AGRN: variants seen among roughly 807,000 people sequenced by gnomAD.
The protein encoded by AGRN is agrin proteoglycan.
AGRN carries 106 observed loss-of-function variants against 211.0 expected under a neutral mutation model. That is an observed-to-expected ratio of 0.50 (90% CI 0.43 to 0.59). The LOEUF is 0.59. Among genes scored for constraint, AGRN ranks in the 20% least tolerant of loss-of-function variants. The probability of loss-of-function intolerance (pLI) is 0.00; values close to 1 mark genes in which losing one functional copy is unlikely to be tolerated. For missense variants in AGRN, 3,040 were observed against 2,982.6 expected, an observed-to-expected ratio of 1.02 and a Z score of -0.45; for synonymous variants, 1,525 against 1,332.5, an observed-to-expected ratio of 1.14 and a Z score of -3.15.
intron 14 of AGRN, 61 bp downstream of exon 14, chr1:1,045,584 A>G: frequency 1.2e-6 from 2 of 1,605,068 alleles, no homozygotes; most frequent in Non-Finnish European, 1.7e-6. Flanking sequence ...CACCCCCATC[A>G]CTGTGCTTCT....
Position 1,051,243 on chromosome 1 carries a change from G to T in AGRN, c.5254-10G>T, listed in dbSNP as rs778226267. ...GGCTCTGCACAGCCACTTACCTGGCGTCCCCGCAGGTTCCGCACACCGTCC... is the reference window on the plus strand; with the variant it reads ...GGCTCTGCACAGCCACTTACCTGGCTTCCCCGCAGGTTCCGCACACCGTCC... On this transcript the variant is annotated splice_polypyrimidine_tract_variant and intron_variant, in intron 30 of 35. Transcript: ENST00000379370. 6.3e-7 allele frequency: 1 copy of T among 1,580,318 alleles called. No individual in the cohort carries two copies.
At position 1,048,402 on chromosome 1, in the gene AGRN, G is replaced by A; in HGVS notation, c.4105+37G>A. 2 of 1,240,530 alleles carry A rather than the reference G, an allele frequency of 1.6e-6. No homozygotes were observed. The highest frequency in any genetic ancestry group is 1.6e-5 in the South Asian group (1 of 62,500). The allele number at this position is 1,240,530 out of a possible 1,614,324, so 76.8% of individuals were successfully genotyped here. ...CACTGCAGAGGAGGGCGGGGAGGCA[G>A]CAGGGTGGGGGCAAGGATTGGGGGT... On this transcript the variant is annotated intron_variant, in intron 23 of 35. Transcript: ENST00000379370. This position sits in a 1 kb window ranked among gnomAD's most constrained non-coding sequence, Gnocchi z 5.9.
At chr1:1,039,398 C>T (rs1644874705) in intron 3 of AGRN, among the ~76,000 whole-genome samples, 1 of 87,616 alleles carries the variant, frequency 1.1e-5, no homozygotes, top group African/African-American at 3.7e-5. Flanking sequence ...AGTGCACCCA[C>T]CCTCCTTGGA....
At chr1:1,029,385 G>GT (rs1644596230) in intron 2 of AGRN, among the ~76,000 whole-genome samples, 1 of 124,912 alleles carries the variant, frequency 8.0e-6, no homozygotes, top group Non-Finnish European at 1.7e-5. Flanking sequence ...GCAGGTGGGG[G>GT]GATCAGTGTC....
At chr1:1,053,477 T>C (rs1315499967) in intron 33 of AGRN, 3 of 1,496,388 alleles carry the variant, frequency 2.0e-6, no homozygotes, top group African/African-American at 2.8e-5. Flanking sequence ...AACTCTGGAT[T>C]CCGGGGCCCT....
chr1:1,033,757 ACCCCAGCCCCAGTCCCGGCCCAG>A (rs2100602949), intron 2 of AGRN, among the ~76,000 whole-genome samples: 1 of 70,808 alleles, frequency 1.4e-5, no homozygotes, highest in African/African-American at 5.6e-5. Flanking sequence ...AGCCTCAGCC[ACCCCAGCCCCAGTCCCGGCCCAG>A]CCCCAGCCCC....
At chr1:1,020,921 G>A (rs1173499374) in intron 1 of AGRN, among the ~76,000 whole-genome samples, 1 of 151,228 alleles carries the variant, frequency 6.6e-6, no homozygotes, top group East Asian at 2.0e-4. Flanking sequence ...GGCAGGGCCG[G>A]TGCCCCATCG....
At chr1:1,034,451 C>G (rs1644751946) in intron 2 of AGRN, 1 of 985,706 alleles carries the variant, frequency 1.0e-6, no homozygotes, top group African/African-American at 1.7e-5. Context: ...TGTCCGCCGC[C>G]CCAGGGGTCC....
chr1:1,030,225 G>A (rs1326167852), intron 2 of AGRN, among the ~76,000 whole-genome samples: 92 of 65,242 alleles, frequency 1.4e-3, no homozygotes, highest in African/African-American at 2.2e-3. Flanking sequence ...AGATCAGCGC[G>A]TGTGTGTGTG....
rs372147500 is a variant in AGRN, at chr1:1,053,888, A to G, written c.5787A>G (p.Gln1929=). 8.1e-6 allele frequency: 13 copies of G among 1,609,098 alleles called. No individual in the cohort carries two copies. The highest frequency in any genetic ancestry group is 6.7e-5 in the East Asian group (3 of 44,778). Residue 1929 remains glutamine (Q), a synonymous_variant, in exon 34 of 36, where the codon CAA becomes CAG. Coordinates refer to ENST00000379370, the MANE Select transcript of AGRN (RefSeq NM_198576.4). The part of the protein sequence containing the change: ...VALAIVDGHL[Q]LSYNLGSQPV... Reference sequence around the variant, plus strand: ...TGGCCATTGTGGACGGGCACCTGCAACTGAGCTACAACCTGGGCTCCCAGC... The same window carrying G: ...TGGCCATTGTGGACGGGCACCTGCAGCTGAGCTACAACCTGGGCTCCCAGC...
intron 33 of AGRN, chr1:1,052,397 ATG>A (rs61654105): frequency 2.2e-5 from 7 of 315,554 alleles, no homozygotes; most frequent in South Asian, 4.9e-5. Flanking sequence ...GTCCATGTAT[ATG>A]TGTGTGTGTA....
Position 1,045,961 on chromosome 1 carries a change from C to T in AGRN, c.2681-3C>T. On this transcript the variant is annotated splice_polypyrimidine_tract_variant and splice_region_variant and intron_variant, in intron 15 of 35. Transcript: ENST00000379370. ...ACAGAGGTTTCCCATGCCCGTGCCC[C>T]AGACGCTTCTGCGCCTGCGACCTGT... is the stretch of plus-strand genomic sequence containing the variant. 2 of 1,613,550 alleles carry T rather than the reference C, an allele frequency of 1.2e-6. No homozygotes were observed. The highest frequency in any genetic ancestry group is 2.2e-5 in the South Asian group (2 of 91,086).
In AGRN at chr1:1,054,432, C is replaced by G. The variant is rs371544818; in HGVS notation, c.5877-16C>G. 1.3e-6 allele frequency: 2 copies of G among 1,564,980 alleles called. No homozygotes were observed. Among genetic ancestry groups the G allele is most frequent in the Non-Finnish European group, 1.7e-6 (2 of 1,154,096 alleles). On this transcript the variant is annotated splice_polypyrimidine_tract_variant and intron_variant, in intron 34 of 35. Transcript: ENST00000379370. ...AACTCTGGGCCCTGATGGTCTCCCC[C>G]TCCCTGCACACCCAGGGAGCAGAGG... is the stretch of plus-strand genomic sequence containing the variant.
Position 1,031,412 on chromosome 1 carries a change from A to G in AGRN, c.464-3865A>G, listed in dbSNP as rs938391748. 6.6e-6 allele frequency among the ~76,000 whole-genome samples: 1 copy of G among 152,146 alleles called. No individual in the cohort carries two copies. Among genetic ancestry groups the G allele is most frequent in the Non-Finnish European group, 1.5e-5 (1 of 67,998 alleles). ...CTGAATGATTTTGTCTGAAGATCCC[A>G]AAATAGCTCATGTCGCCTGAGCTCC... On this transcript the variant is annotated intron_variant, in intron 2 of 35. Coordinates refer to ENST00000379370, the MANE Select transcript of AGRN (RefSeq NM_198576.4). The surrounding 1 kb of genome is among the most constrained non-coding windows in gnomAD (Gnocchi z 4.8).
chr1:1,047,461 C>CG lies in AGRN; in HGVS notation c.3516+12dup, dbSNP rs34231133. Reference sequence around the variant, plus strand: ...CAGGAGCATTGAGAGCACCGTAAGACGGGGGCGCAGCCCCCACCTACCCAC... The same window carrying CG: ...CAGGAGCATTGAGAGCACCGTAAGACGGGGGGCGCAGCCCCCACCTACCCAC... On this transcript the variant is annotated splice_region_variant and intron_variant, in intron 20 of 35. Transcript: ENST00000379370. 1 of 1,612,656 alleles carries CG rather than the reference C, an allele frequency of 6.2e-7. No individual in the cohort carries two copies. Among genetic ancestry groups the CG allele is most frequent in the Non-Finnish European group, 8.5e-7 (1 of 1,179,908 alleles).
intron 2 of AGRN, among the ~76,000 whole-genome samples, chr1:1,025,085 T>C (rs568132988): frequency 6.6e-6 from 1 of 152,142 alleles, no homozygotes; most frequent in African/African-American, 2.4e-5. Flanking sequence ...GAGGGACTCC[T>C]GGCTGAGGGC....
At chr1:1,047,162 G>C in intron 19 of AGRN, 165 bp from the exon 20 acceptor site, 1 of 1,358,940 alleles carries the variant, frequency 7.4e-7, no homozygotes, top group East Asian at 2.5e-5. Flanking sequence ...GAGTCCTCCT[G>C]GTAACCGACA....
At position 1,048,290 on chromosome 1, in the gene AGRN, T is replaced by A. The variant is rs1190512753; in HGVS notation, c.4030T>A (p.Cys1344Ser). ...DSQPCFHGGTCQDWALGGGFT... is the reference protein window; with the variant it reads ...DSQPCFHGGTSQDWALGGGFT... The stretch of plus-strand genomic sequence containing the variant: ...ACAGCCCTGCTTCCACGGGGGGACC[T>A]GCCAGGACTGGGCATTGGGCGGGGG... Residue 1344 changes from cysteine to serine, a missense_variant, in exon 23 of 36, where the codon TGC becomes AGC. Transcript: ENST00000379370. This position sits in a 1 kb window ranked among gnomAD's most constrained non-coding sequence, Gnocchi z 5.9. 1 of 1,516,614 alleles carries A rather than the reference T, an allele frequency of 6.6e-7. No individual in the cohort carries two copies. The highest frequency in any genetic ancestry group is 2.4e-5 in the East Asian group (1 of 41,468). 93.9% of individuals were successfully genotyped at this position (1,516,614 alleles called of 1,614,324 possible). A position where few individuals can be genotyped will look rare whatever the true frequency, so the allele number is the denominator to read the frequency against.
At position 1,041,651 on chromosome 1, in the gene AGRN, G is replaced by GC; in HGVS notation, c.1129dup (p.Arg377ProfsTer46). On this transcript the variant is annotated frameshift_variant, in exon 6 of 36. Coordinates refer to ENST00000379370, the MANE Select transcript of AGRN (RefSeq NM_198576.4). LOFTEE classifies it high-confidence loss of function. Reference sequence around the variant, plus strand: ...CTGTGTCATGGGCCGATCGGGGGCCGCCCGGGGTCTCCTCCTGCAGAAAGT... The same window carrying GC: ...CTGTGTCATGGGCCGATCGGGGGCCGCCCCGGGGTCTCCTCCTGCAGAAAGT... 6.2e-7 allele frequency: 1 copy of GC among 1,611,070 alleles called. No homozygotes were observed. Among genetic ancestry groups the GC allele is most frequent in the Non-Finnish European group, 8.5e-7 (1 of 1,179,092 alleles).
Sources: gnomAD v4.1 joint callset for allele counts (sites outside exome capture counted in the v4.1 genomes callset) on GRCh38, gnomAD v4.1.1 for gene constraint, Gnocchi (gnomAD v3.1) non-coding constraint, MANE v1.5 for transcripts, NCBI Gene and HGNC (gene_info 2026-07-23, HGNC 2026-07-21) for gene names.